SLC25A33: variants seen among roughly 807,000 people sequenced by gnomAD.
SLC25A33 encodes bone marrow stromal cell mitochondrial carrier protein.
SLC25A33 carries 15 observed loss-of-function variants against 35.5 expected under a neutral mutation model. The observed-to-expected ratio is 0.42, with a 90% CI of 0.28 to 0.65. The LOEUF is 0.65. Among genes scored for constraint, SLC25A33 ranks in the 30% least tolerant of loss-of-function variants. The probability of loss-of-function intolerance (pLI) is 0.20; values close to 1 mark genes in which losing one functional copy is unlikely to be tolerated. For synonymous variants in SLC25A33, 136 were observed against 148.7 expected (o/e 0.91, Z 0.62); for missense variants, 257 against 398.5 (o/e 0.64, Z 3.02).
intron 3 of SLC25A33, 71 bp downstream of exon 3, chr1:9,567,432 T>TA: frequency 7.4e-7 from 1 of 1,359,888 alleles, no homozygotes; most frequent in African/African-American, 1.4e-5. Flanking sequence ...TACCAAAGGG[T>TA]GATGCTGCTG....
Position 9,556,185 on chromosome 1 carries a change from G to T in SLC25A33, c.236+2380G>T, listed in dbSNP as rs550941476. 368 of 985,292 alleles carry T rather than the reference G, an allele frequency of 3.7e-4. 1 individual carries two copies. Among genetic ancestry groups the T allele is most frequent in the Non-Finnish European group, 4.3e-4 (355 of 829,930 alleles). 61.0% of individuals were successfully genotyped at this position (985,292 alleles called of 1,614,324 possible). A position where few individuals can be genotyped will look rare whatever the true frequency, so the allele number is the denominator to read the frequency against. ...CTTTGCCTTTTCACATGCTTAGGCGGTGCCAGTGTCCCGGGTGACACCTTT... is the reference window on the plus strand; with the variant it reads ...CTTTGCCTTTTCACATGCTTAGGCGTTGCCAGTGTCCCGGGTGACACCTTT... On this transcript the variant is annotated intron_variant, in intron 2 of 6. Coordinates refer to ENST00000302692, the MANE Select transcript of SLC25A33 (RefSeq NM_032315.3).
chr1:9,543,300 C>A (rs1462726759), intron 1 of SLC25A33, among the ~76,000 whole-genome samples: 1 of 151,408 alleles, frequency 6.6e-6, no homozygotes, highest in Non-Finnish European at 1.5e-5. Flanking sequence ...CACGCCACCA[C>A]GCCCGGCTAA....
At chr1:9,542,329 G>A (rs763919761) in intron 1 of SLC25A33, among the ~76,000 whole-genome samples, 4 of 152,112 alleles carry the variant, frequency 2.6e-5, no homozygotes, top group Non-Finnish European at 5.9e-5. Context: ...TGATTAAGAT[G>A]TAGGTAGTTC....
At position 9,561,330 on chromosome 1, in the gene SLC25A33, G is replaced by C. The variant is rs185919325; in HGVS notation, c.237-5954G>C. Among the ~76,000 whole-genome samples, 363 of 152,286 alleles carry C rather than the reference G, an allele frequency of 2.4e-3. 3 individuals carry two copies. Among genetic ancestry groups the C allele is most frequent in the Middle Eastern group, 6.8e-3 (2 of 294 alleles). ...TATCTTTTAGGAACCACAGTGTTCA[G>C]ATGAGACATTTGTCTTGGATTAGTC... On this transcript the variant is annotated intron_variant, in intron 2 of 6. Transcript: ENST00000302692.
At chr1:9,555,675 T>TTTTG (rs915220788) in intron 2 of SLC25A33, among the ~76,000 whole-genome samples, 2 of 151,668 alleles carry the variant, frequency 1.3e-5, no homozygotes, top group Admixed American at 6.6e-5. Flanking sequence ...AAATTGGGGT[T>TTTTG]TTTGTTTGTT....
Position 9,578,368 on chromosome 1 carries a change from C to T in SLC25A33, c.483-1586C>T, listed in dbSNP as rs1019195631. Among the ~76,000 whole-genome samples the T allele has an allele frequency of 5.3e-5, 8 of 152,166 alleles. No homozygotes were observed. Among genetic ancestry groups the T allele is most frequent in the African/African-American group, 1.7e-4 (7 of 41,442 alleles). On this transcript the variant is annotated intron_variant, in intron 5 of 6. Coordinates refer to ENST00000302692, the MANE Select transcript of SLC25A33 (RefSeq NM_032315.3). The surrounding 1 kb of genome is among the most constrained non-coding windows in gnomAD (Gnocchi z 4.3). Reference sequence around the variant, plus strand: ...GCCCAAGGGGCCCCAGGTCTGCGCCCGCTCGGAGGGGTCTGTGATGTGTGA... The same window carrying T: ...GCCCAAGGGGCCCCAGGTCTGCGCCTGCTCGGAGGGGTCTGTGATGTGTGA...
intron 5 of SLC25A33, chr1:9,576,665 C>A (rs1322518481): frequency 6.3e-6 from 4 of 630,146 alleles, no homozygotes; most frequent in African/African-American, 1.8e-5. Flanking sequence ...AAGGGTGTTA[C>A]ACTGGGCTTC....
At chr1:9,581,782 A>G (rs934340388) in intron 6 of SLC25A33, among the ~76,000 whole-genome samples, 1 of 152,036 alleles carries the variant, frequency 6.6e-6, no homozygotes, top group African/African-American at 2.4e-5. Context: ...GTAAGTGTCC[A>G]TAGTTGACCA....
chr1:9,564,765 T>TATATATATATATATATATATATATACAC (rs59741987), intron 2 of SLC25A33, among the ~76,000 whole-genome samples: 26 of 114,788 alleles, frequency 2.3e-4, no homozygotes, highest in Middle Eastern at 4.8e-3. Context: ...TATATATATA[T>TATATATATATATATATATATATATACAC]ACACAAAAAT....
rs1428392382 is a variant in SLC25A33 at position 9,553,805 on chromosome 1, A to G, written c.236A>G (p.Lys79Arg). 4 of 1,612,772 alleles carry G rather than the reference A, an allele frequency of 2.5e-6. No individual in the cohort carries two copies. Among genetic ancestry groups the G allele is most frequent in the Non-Finnish European group, 2.5e-6 (3 of 1,179,162 alleles). Residue 79 changes from lysine to arginine, a missense_variant and splice_region_variant, in exon 2 of 7, where the codon AAG becomes AGG. Physicochemically the swap from Lys to Arg is conservative, Grantham distance 26 (BLOSUM62 2). Coordinates refer to ENST00000302692, the MANE Select transcript of SLC25A33 (RefSeq NM_032315.3). ...ACACCTGGACTCTTTCAGGTTCTGA[A>G]GTAAGTTCAGTCTTGTCTGCTCCTG... is the stretch of plus-strand genomic sequence containing the variant. Reference protein sequence around the residue: ...SVTPGLFQVLKSILEKEGPKS... With the variant: ...SVTPGLFQVLRSILEKEGPKS...
intron 2 of SLC25A33, among the ~76,000 whole-genome samples, chr1:9,557,633 A>C (rs1643362755): frequency 6.6e-6 from 1 of 152,214 alleles, no homozygotes; most frequent in Non-Finnish European, 1.5e-5. Flanking sequence ...TGAGCATGAT[A>C]TTCAGATCTC....
intron 6 of SLC25A33, among the ~76,000 whole-genome samples, chr1:9,580,862 A>AT (rs1553148152): frequency 3.3e-4 from 42 of 125,890 alleles, no homozygotes; most frequent in African/African-American, 1.2e-3. Context: ...CTCAAAAAAA[A>AT]AAAAATAATA....
chr1:9,540,547 G>C (rs1643064311), intron 1 of SLC25A33, among the ~76,000 whole-genome samples: 1 of 152,102 alleles, frequency 6.6e-6, no homozygotes, highest in Non-Finnish European at 1.5e-5. Context: ...GCCGAGAATA[G>C]AAGGTAAAAT....
At chr1:9,562,652 C>T (rs1057279082) in intron 2 of SLC25A33, among the ~76,000 whole-genome samples, 4 of 151,854 alleles carry the variant, frequency 2.6e-5, no homozygotes, top group Admixed American at 6.6e-5. Flanking sequence ...GTAGGGAGTT[C>T]GAAACCAACC....
chr1:9,573,351 A>G lies in SLC25A33; in HGVS notation c.421A>G (p.Ile141Val). 6.3e-7 allele frequency: 1 copy of G among 1,588,030 alleles called. No homozygotes were observed. Among genetic ancestry groups the G allele is most frequent in the Non-Finnish European group, 8.6e-7 (1 of 1,168,312 alleles). ...HIFSAGSAAF[I>V]TNSLMNPIWM... is the part of the protein sequence containing the mutation. ...ACTGTTTTTTTTTTTTCCAGCTTTT[A>G]TCACAAATTCCTTAATGAATCCTAT... Residue 141 changes from isoleucine to valine, a missense_variant, in exon 5 of 7, where the codon ATC (isoleucine) becomes GTC (valine). Physicochemically the swap from Ile to Val is conservative, Grantham distance 29. Coordinates refer to ENST00000302692, the MANE Select transcript of SLC25A33 (RefSeq NM_032315.3).
In SLC25A33 at chr1:9,580,011, C is replaced by T. The variant is rs767334485; in HGVS notation, c.540C>T (p.Thr180=). Residue 180 remains threonine (T), a synonymous_variant, in exon 6 of 7, where the codon ACC becomes ACT. Transcript: ENST00000302692. The stretch of plus-strand genomic sequence containing the variant: ...AGTGTGCTCGTTACGTTTACCAGAC[C>T]GAAGGCATTCGTGGCTTCTATAGAG... The part of the protein sequence containing the change: ...TLQCARYVYQ[T]EGIRGFYRGL... The T allele has an allele frequency of 6.2e-6, 10 of 1,613,178 alleles. No homozygotes were observed. Among genetic ancestry groups the T allele is most frequent in the Non-Finnish European group, 8.5e-6 (10 of 1,179,658 alleles).
intron 1 of SLC25A33, among the ~76,000 whole-genome samples, chr1:9,545,692 C>T (rs1643156899): frequency 2.6e-5 from 4 of 151,196 alleles, no homozygotes; most frequent in East Asian, 2.0e-4. Flanking sequence ...TGAGCCACCG[C>T]GCCCAGCCAA....
At chr1:9,577,150 A>C (rs1643671473) in intron 5 of SLC25A33, among the ~76,000 whole-genome samples, 1 of 152,122 alleles carries the variant, frequency 6.6e-6, no homozygotes, top group South Asian at 2.1e-4. Flanking sequence ...TGAGTGTAGA[A>C]ATCTTGAGTC....
rs529999767 is a variant in SLC25A33 at position 9,563,754 on chromosome 1, G to A, written c.237-3530G>A. On this transcript the variant is annotated intron_variant, in intron 2 of 6. Transcript: ENST00000302692. ...GAGACAGAGTCCTGCTCTGTTGCCC[G>A]GGCTGGAGTACAGTGGCATGATCTG... 4.2e-4 allele frequency among the ~76,000 whole-genome samples: 63 copies of A among 151,534 alleles called. 1 individual carries two copies. The highest frequency in any genetic ancestry group is 2.9e-3 in the East Asian group (15 of 5,162).
Sources: gnomAD v4.1 joint callset for allele counts (sites outside exome capture counted in the v4.1 genomes callset) on GRCh38, gnomAD v4.1.1 for gene constraint, Gnocchi (gnomAD v3.1) non-coding constraint, MANE v1.5 for transcripts, NCBI Gene and HGNC (gene_info 2026-07-23, HGNC 2026-07-21) for gene names.